The following ZNF14 variants were observed in gnomAD, a reference collection of about 807,000 sequenced individuals.
The protein encoded by ZNF14 is zinc finger protein 14, also known as gonadotropin inducible transcription repressor-4.
Under a neutral mutation model 11.3 loss-of-function variants are expected in ZNF14, and 9 were observed. That is an observed-to-expected ratio of 0.80 (90% CI 0.48 to 1.39). The LOEUF (loss-of-function observed/expected upper bound fraction) is 1.39, where lower values mean the gene tolerates loss of function less well. Among genes scored for constraint, ZNF14 ranks in the 40% most tolerant of loss-of-function variants. ZNF14 has a pLI of 0.00. For synonymous variants in ZNF14, 239 were observed against 245.7 expected, an observed-to-expected ratio of 0.97 and a Z score of 0.25; for missense variants, 711 against 763.9, an observed-to-expected ratio of 0.93 and a Z score of 0.82.
At chr19:19,729,503 G>C (rs952715342) in intron 1 of ZNF14, among the ~76,000 whole-genome samples, 1 of 151,870 alleles carries the variant, frequency 6.6e-6, no homozygotes, top group African/African-American at 2.4e-5. Context: ...TTTCAGGAGA[G>C]ACAAAGTTTC....
rs919855772 is a variant in ZNF14 at position 19,714,253 on chromosome 19, T to C, written c.131-102A>G. On this transcript the variant is annotated intron_variant, in intron 2 of 3. Coordinates refer to ENST00000344099, the MANE Select transcript of ZNF14 (RefSeq NM_021030.3). Reference sequence around the variant, plus strand: ...AGCTGTGACTGTCTGATTCAATCACTGAAAGATTCCCTTTCCACATTTCAA... The same window carrying C: ...AGCTGTGACTGTCTGATTCAATCACCGAAAGATTCCCTTTCCACATTTCAA... 1.2e-5 allele frequency: 19 copies of C among 1,587,886 alleles called. No individual in the cohort carries two copies. In the African/African-American group the frequency reaches 1.9e-4, roughly 16 times the overall value.
At chr19:19,729,382 C>T (rs527968406) in intron 1 of ZNF14, among the ~76,000 whole-genome samples, 54 of 150,916 alleles carry the variant, frequency 3.6e-4, no homozygotes, top group South Asian at 1.7e-3. Flanking sequence ...ATGGCGCAAT[C>T]TCAGCTCGCT....
At position 19,733,077 on chromosome 19, in the gene ZNF14, A is replaced by G. The variant is rs2062428958; in HGVS notation, c.-119T>C. 2.3e-6 allele frequency: 3 copies of G among 1,327,724 alleles called. No homozygotes were observed. The highest frequency in any genetic ancestry group is 2.9e-5 in the African/African-American group (2 of 68,346). The allele number at this position is 1,327,724 out of a possible 1,614,324, so 82.2% of individuals were successfully genotyped here. On this transcript the variant is annotated 5_prime_UTR_variant, in exon 1 of 4. Coordinates refer to ENST00000344099, the MANE Select transcript of ZNF14 (RefSeq NM_021030.3). ...GGCCTTCAGGAGCAGGTGAAACGCA[A>G]TCTTCCCATGGGCCAGGAATGGCGA...
Position 19,711,701 on chromosome 19 carries a change from C to G in ZNF14, c.1580G>C (p.Gly527Ala), listed in dbSNP as rs1199886413. 3.1e-6 allele frequency: 5 copies of G among 1,614,036 alleles called. No individual in the cohort carries two copies. The highest frequency in any genetic ancestry group is 3.4e-6 in the Non-Finnish European group (4 of 1,180,008). ...SLREHEKIHT[G>A]NKPFECKQCG... ...TTGCTTACACTCAAAAGGCTTATTT[C>G]CAGTGTGAATTTTTTCATGTTCTCG... Residue 527 changes from glycine to alanine, a missense_variant, in exon 4 of 4, where the codon GGA becomes GCA. Gly to Ala is a moderately conservative substitution (Grantham distance 60). Transcript: ENST00000344099.
In ZNF14 at chr19:19,712,981, T is replaced by C. The variant is rs759448129; in HGVS notation, c.300A>G (p.Ala100=). ...CACAAAAGCTGCATTCATGTGGTTT[T>C]GCTCCAGTAAAAGTTTCCTTGTTGA... ...VNINKETFTG[A]KPHECSFCGR... Residue 100 remains alanine (A), a synonymous_variant, in exon 4 of 4, where the codon GCA becomes GCG. Coordinates refer to ENST00000344099, the MANE Select transcript of ZNF14 (RefSeq NM_021030.3). 9.3e-6 allele frequency: 15 copies of C among 1,614,054 alleles called. No individual in the cohort carries two copies. The highest frequency in any genetic ancestry group is 1.3e-5 in the Non-Finnish European group (15 of 1,180,036).
rs59403521 is a variant in ZNF14 at position 19,720,044 on chromosome 19, T to C, written c.4-5557A>G. ...ACCAAGAAGACAAGGCAATCCTTAG[T>C]GTGTATGTGCATAAAAACAGAGTGG... On this transcript the variant is annotated intron_variant, in intron 1 of 3. Coordinates refer to ENST00000344099, the MANE Select transcript of ZNF14 (RefSeq NM_021030.3). This position sits in a 1 kb window ranked among gnomAD's most constrained non-coding sequence, Gnocchi z 4.1. Among the ~76,000 whole-genome samples, 325 of 152,156 alleles carry C rather than the reference T, an allele frequency of 2.1e-3. 1 individual carries two copies. Among genetic ancestry groups the C allele is most frequent in the Middle Eastern group, 6.8e-3 (2 of 294 alleles).
chr19:19,724,531 T>C lies in ZNF14; in HGVS notation c.3+8425A>G, dbSNP rs1442541805. The stretch of plus-strand genomic sequence containing the variant: ...GTGGTCAATTTTGGAATAAGTGCGA[T>C]GTGATGCTGAGAAGAATGTACATTC... On this transcript the variant is annotated intron_variant, in intron 1 of 3. Transcript: ENST00000344099. Among the ~76,000 whole-genome samples the C allele has an allele frequency of 3.0e-5, 4 of 134,044 alleles. 1 individual carries two copies. Among genetic ancestry groups the C allele is most frequent in the African/African-American group, 8.3e-5 (3 of 36,250 alleles). 87.9% of individuals were successfully genotyped at this position (134,044 alleles called of 152,430 possible).
At chr19:19,729,318 AC>A (rs1322074314) in intron 1 of ZNF14, among the ~76,000 whole-genome samples, 1 of 87,038 alleles carries the variant, frequency 1.1e-5, no homozygotes, top group African/African-American at 4.7e-5. Context: ...TACACACACA[AC>A]TTTTTTTTTT....
At chr19:19,716,288 T>G (rs951782552) in intron 1 of ZNF14, among the ~76,000 whole-genome samples, 1 of 98,238 alleles carries the variant, frequency 1.0e-5, no homozygotes, top group Non-Finnish European at 2.4e-5. Context: ...TTTATTTTAT[T>G]TATTTTATTT....
At position 19,733,035 on chromosome 19, in the gene ZNF14, G is replaced by A; in HGVS notation, c.-77C>T. 3 of 1,577,032 alleles carry A rather than the reference G, an allele frequency of 1.9e-6. No individual in the cohort carries two copies. The highest frequency in any genetic ancestry group is 2.6e-6 in the Non-Finnish European group (3 of 1,156,822). ...TGCAGGTCACGGCGCGACAAAGGAT[G>A]CGCTAGAGCCACCTTCGGCCTTCAG... On this transcript the variant is annotated 5_prime_UTR_variant, in exon 1 of 4. Transcript: ENST00000344099.
At chr19:19,721,427 A>G (rs1351188197) in intron 1 of ZNF14, among the ~76,000 whole-genome samples, 5 of 152,210 alleles carry the variant, frequency 3.3e-5, no homozygotes, top group Admixed American at 6.5e-5. Context: ...CAGGTAAAAG[A>G]GGAGACTTAG....
chr19:19,732,463 T>C (rs184629494), intron 1 of ZNF14, among the ~76,000 whole-genome samples: 1 of 152,292 alleles, frequency 6.6e-6, no homozygotes, highest in Admixed American at 6.5e-5. Flanking sequence ...ACTTGAGTGC[T>C]GGGAGCACTA....
rs569058003 is a variant in ZNF14, at chr19:19,712,457, C to T, written c.824G>A (p.Gly275Glu). ...YFRTHERTHT[G>E]EKPYKCKECG... ...TTCTTTACATTTGTAGGGTTTTTCT[C>T]CAGTGTGAGTTCTTTCATGAGTTCG... Residue 275 changes from glycine to glutamate, a missense_variant, in exon 4 of 4, where the codon GGA becomes GAA. Coordinates refer to ENST00000344099, the MANE Select transcript of ZNF14 (RefSeq NM_021030.3). 6 of 1,559,214 alleles carry T rather than the reference C, an allele frequency of 3.8e-6. No individual in the cohort carries two copies. The South Asian group carries it at 7.0e-5, about 18-fold the overall frequency.
chr19:19,722,980 T>C (rs1334758043), intron 1 of ZNF14, among the ~76,000 whole-genome samples: 1 of 152,162 alleles, frequency 6.6e-6, no homozygotes, highest in African/African-American at 2.4e-5. Flanking sequence ...CTTAAGGAGA[T>C]TTTGGGCTGA....
rs371222065 is a variant in ZNF14 at position 19,712,746 on chromosome 19, T to C, written c.535A>G (p.Ile179Val). The C allele has an allele frequency of 2.2e-5, 35 of 1,613,434 alleles. 1 individual carries two copies. The highest frequency in any genetic ancestry group is 3.0e-5 in the Non-Finnish European group (35 of 1,179,826). ...YECKQCGKAF[I>V]YYQPFQRHER... ...TGTCTTTGAAATGGCTGGTAATATA[T>C]AAAGGCTTTCCCACACTGTTTACAT... The change falls in exon 4 of 4, where the codon ATA (isoleucine) becomes GTA (valine). Residue 179 changes from isoleucine (I) to valine (V), a missense_variant. Ile to Val is a conservative substitution (Grantham distance 29). Coordinates refer to ENST00000344099, the MANE Select transcript of ZNF14 (RefSeq NM_021030.3).
chr19:19,730,307 G>A (rs1210946710), intron 1 of ZNF14, among the ~76,000 whole-genome samples: 3 of 152,028 alleles, frequency 2.0e-5, no homozygotes, highest in East Asian at 1.9e-4. Flanking sequence ...GATTACAGGC[G>A]TGACCCACCG....
At chr19:19,716,268 G>A (rs1418078720) in intron 1 of ZNF14, among the ~76,000 whole-genome samples, 1 of 150,236 alleles carries the variant, frequency 6.7e-6, no homozygotes, top group Non-Finnish European at 1.5e-5. Context: ...TAGAAAAGGA[G>A]GAATGAGATT....
chr19:19,722,279 C>T (rs565560195), intron 1 of ZNF14, among the ~76,000 whole-genome samples: 1 of 152,286 alleles, frequency 6.6e-6, no homozygotes, highest in Admixed American at 6.5e-5. Flanking sequence ...TATGTCTCAC[C>T]TTATTCTACA....
At chr19:19,717,037 G>A (rs923234811) in intron 1 of ZNF14, among the ~76,000 whole-genome samples, 1 of 152,070 alleles carries the variant, frequency 6.6e-6, no homozygotes, top group South Asian at 2.1e-4. Flanking sequence ...CATCGACTGT[G>A]CCCTAAAATT....
Sources: allele counts gnomAD v4.1 joint callset (sites outside exome capture counted in the v4.1 genomes callset), GRCh38; gene constraint gnomAD v4.1.1; non-coding constraint Gnocchi (gnomAD v3.1); transcripts MANE v1.5; gene names NCBI Gene and HGNC (gene_info 2026-07-23, HGNC 2026-07-21).